BTBD2: variants seen among roughly 807,000 people sequenced by gnomAD.
BTBD2 encodes BTB domain containing 2.
BTBD2 carries 15 observed loss-of-function variants against 44.0 expected under a neutral mutation model. That is an observed-to-expected ratio of 0.34 (90% CI 0.23 to 0.53). The LOEUF is 0.53. Among genes scored for constraint, BTBD2 ranks in the 20% least tolerant of loss-of-function variants. BTBD2 has a pLI of 0.95. For missense variants in BTBD2, 657 were observed against 746.4 expected (o/e 0.88, Z 1.39); for synonymous variants, 443 against 335.9 (o/e 1.32, Z -3.49).
chr19:2,011,634 G>C (rs560649317), intron 1 of BTBD2, among the ~76,000 whole-genome samples: 1 of 152,044 alleles, frequency 6.6e-6, no homozygotes, highest in Admixed American at 6.6e-5. Context: ...TTTCAACAAG[G>C]CAGGCTTCAA....
At chr19:2,011,907 T>G (rs1367762356) in intron 1 of BTBD2, among the ~76,000 whole-genome samples, 1 of 151,932 alleles carries the variant, frequency 6.6e-6, no homozygotes, top group Non-Finnish European at 1.5e-5. Context: ...CAGGCTGGAG[T>G]GCAGTAGCGC....
intron 1 of BTBD2, among the ~76,000 whole-genome samples, chr19:2,005,116 A>G (rs1330184685): frequency 6.6e-6 from 1 of 151,998 alleles, no homozygotes; most frequent in African/African-American, 2.4e-5. Flanking sequence ...CACTGCGCCC[A>G]GCCAGGAATT....
rs373782672 is a variant in BTBD2 at position 1,986,315 on chromosome 19, G to C, written c.*173C>G. 4 of 794,144 alleles carry C rather than the reference G, an allele frequency of 5.0e-6. 1 individual carries two copies. Among genetic ancestry groups the C allele is most frequent in the East Asian group, 5.4e-5 (2 of 36,854 alleles). 49.2% of individuals were successfully genotyped at this position (794,144 alleles called of 1,614,324 possible). On this transcript the variant is annotated 3_prime_UTR_variant, in exon 9 of 9. Coordinates refer to ENST00000255608, the MANE Select transcript of BTBD2 (RefSeq NM_017797.4). ...CTGCCCTGATCCAGCAGCCACACTC[G>C]TGGTGAACACAGGGCAACCCCGTCC...
Position 1,993,179 on chromosome 19 carries a change from G to T in BTBD2, c.528-3C>A. The T allele has an allele frequency of 6.3e-7, 1 of 1,594,104 alleles. No homozygotes were observed. On this transcript the variant is annotated splice_polypyrimidine_tract_variant and splice_region_variant and intron_variant, in intron 2 of 8. Transcript: ENST00000255608. ...GCACCTCGTCCGAGTAGAGAAACCT[G>T]CAGAAGCAACGCGGGTGGCCGTGAG... is the stretch of plus-strand genomic sequence containing the variant.
chr19:1,999,409 G>T (rs904437297), intron 1 of BTBD2, among the ~76,000 whole-genome samples: 2 of 152,230 alleles, frequency 1.3e-5, no homozygotes, highest in Admixed American at 1.3e-4. Flanking sequence ...GCCCACACCC[G>T]TCATCCCAGC....
At chr19:2,002,849 C>G (rs1251515571) in intron 1 of BTBD2, 1 of 142,122 alleles carries the variant, frequency 7.0e-6, no homozygotes, top group Non-Finnish European at 1.5e-5. Context: ...GGCACTCCAG[C>G]CTGGGCGACA....
At chr19:1,990,679 C>T in intron 4 of BTBD2, 38 bp downstream of exon 4, 1 of 1,542,736 alleles carries the variant, frequency 6.5e-7, no homozygotes, top group Non-Finnish European at 8.8e-7. Flanking sequence ...CGCCGAGGCC[C>T]CGCTGGGATT....
At chr19:1,992,631 G>A (rs1294884795) in intron 3 of BTBD2, among the ~76,000 whole-genome samples, 3 of 152,110 alleles carry the variant, frequency 2.0e-5, no homozygotes, top group African/African-American at 7.2e-5. Flanking sequence ...GAGTGCAGTG[G>A]TGCGATCTCG....
At position 1,986,825 on chromosome 19, in the gene BTBD2, C is replaced by T. The variant is rs759592500; in HGVS notation, c.1416+5G>A. 89 of 1,600,728 alleles carry T rather than the reference C, an allele frequency of 5.6e-5. 2 individuals carry two copies. Among genetic ancestry groups the T allele is most frequent in the Middle Eastern group, 5.1e-4 (3 of 5,886 alleles). On this transcript the variant is annotated splice_donor_5th_base_variant and intron_variant, in intron 8 of 8. Coordinates refer to ENST00000255608, the MANE Select transcript of BTBD2 (RefSeq NM_017797.4). ...ACGGAGGGACCCCTGTCCCCGGCGGCGCACCTTGAGCGTGGCACAGGCCGT... is the reference window on the plus strand; with the variant it reads ...ACGGAGGGACCCCTGTCCCCGGCGGTGCACCTTGAGCGTGGCACAGGCCGT...
rs750275303 is a variant in BTBD2, at chr19:2,013,419, C to T, written c.407+1878G>A. 1.6e-4 allele frequency: 126 copies of T among 796,974 alleles called. 1 individual carries two copies. The South Asian group carries it at 3.6e-3, about 23-fold the overall frequency. 49.4% of individuals were successfully genotyped at this position (796,974 alleles called of 1,614,324 possible). Reference sequence around the variant, plus strand: ...CTGGGGGCTGGGGAGGGAGGGACCCCGGAGCTGGGGGTCTCTGGGTTGGAA... The same window carrying T: ...CTGGGGGCTGGGGAGGGAGGGACCCTGGAGCTGGGGGTCTCTGGGTTGGAA... On this transcript the variant is annotated intron_variant, in intron 1 of 8. Coordinates refer to ENST00000255608, the MANE Select transcript of BTBD2 (RefSeq NM_017797.4).
intron 1 of BTBD2, among the ~76,000 whole-genome samples, chr19:2,007,197 G>A (rs1036165560): frequency 6.6e-6 from 1 of 152,018 alleles, no homozygotes; most frequent in Non-Finnish European, 1.5e-5. Flanking sequence ...CACCATGTTG[G>A]CCAGGCTGGT....
chr19:1,987,831 G>C (rs1204233816), intron 5 of BTBD2, 139 bp from the exon 6 acceptor site: 1 of 846,660 alleles, frequency 1.2e-6, no homozygotes, highest in Admixed American at 2.9e-5. Context: ...CTCCCCGGGG[G>C]ACTAGCCACC....
At position 1,989,968 on chromosome 19, in the gene BTBD2, C is replaced by G. The variant is rs550626907; in HGVS notation, c.988+36G>C. On this transcript the variant is annotated intron_variant, in intron 5 of 8. Coordinates refer to ENST00000255608, the MANE Select transcript of BTBD2 (RefSeq NM_017797.4). ...CAGATGCCCACCTGTGTGCCACTCCCCTCCCAAACCAGCCCCTGAGCCCGA... is the reference window on the plus strand; with the variant it reads ...CAGATGCCCACCTGTGTGCCACTCCGCTCCCAAACCAGCCCCTGAGCCCGA... 43 of 1,609,376 alleles carry G rather than the reference C, an allele frequency of 2.7e-5. No individual in the cohort carries two copies. In the Admixed American group the frequency reaches 4.0e-4, roughly 15 times the overall value.
chr19:1,990,515 GGGCTCTGGCCTGT>G, intron 4 of BTBD2, 189 bp downstream of exon 4: 2 of 619,200 alleles, frequency 3.2e-6, no homozygotes, highest in South Asian at 4.0e-5. Context: ...CTGGGATGGT[GGGCTCTGGCCTGT>G]GGCCTCCTGG....
intron 1 of BTBD2, among the ~76,000 whole-genome samples, chr19:1,999,686 T>C (rs934031403): frequency 4.2e-4 from 60 of 144,176 alleles, no homozygotes; most frequent in Non-Finnish European, 8.5e-4. Flanking sequence ...AAAGGCCAGG[T>C]GCAGTGGCTC....
At chr19:1,996,484 T>A (rs201577659) in intron 2 of BTBD2, among the ~76,000 whole-genome samples, 1 of 151,134 alleles carries the variant, frequency 6.6e-6, no homozygotes, top group Admixed American at 6.6e-5. Context: ...TTTCCTTTTT[T>A]TTGTTGTTGT....
In BTBD2 at chr19:2,015,442, G is replaced by T. The variant is rs1370860186; in HGVS notation, c.262C>A (p.Leu88Met). ...EEAAGPGAAA[L>M]QREAAYNWQA... ...CAGTTGTACGCGGCCTCGCGCTGCA[G>T]CGCCGCCGCCCCCGGGCCCGCCGCC... Residue 88 changes from leucine to methionine, a missense_variant, in exon 1 of 9, where the codon CTG (leucine) becomes ATG (methionine). Coordinates refer to ENST00000255608, the MANE Select transcript of BTBD2 (RefSeq NM_017797.4). 6.9e-7 allele frequency: 1 copy of T among 1,443,010 alleles called. No homozygotes were observed. The highest frequency in any genetic ancestry group is 3.0e-5 in the East Asian group (1 of 33,846). The allele number at this position is 1,443,010 out of a possible 1,614,324, so 89.4% of individuals were successfully genotyped here.
chr19:2,010,145 C>A (rs919477822), intron 1 of BTBD2, among the ~76,000 whole-genome samples: 2 of 152,174 alleles, frequency 1.3e-5, no homozygotes, highest in Non-Finnish European at 2.9e-5. Flanking sequence ...GAGCGAGACT[C>A]CGTCTCAAAA....
intron 8 of BTBD2, 31 bp downstream of exon 8, chr19:1,986,799 C>T (rs754151234): frequency 6.3e-7 from 1 of 1,584,314 alleles, no homozygotes; most frequent in South Asian, 1.1e-5. Flanking sequence ...CAGAGACTCC[C>T]ACGGAGGGAC....
Sources: gnomAD v4.1 joint callset for allele counts (sites outside exome capture counted in the v4.1 genomes callset) on GRCh38, gnomAD v4.1.1 for gene constraint, MANE v1.5 for transcripts, NCBI Gene and HGNC (gene_info 2026-07-23, HGNC 2026-07-21) for gene names.